BACH2: variants seen among roughly 807,000 people sequenced by gnomAD.
BACH2 encodes the protein BACH transcriptional regulator 2.
BACH2 carries 5 observed loss-of-function variants against 61.8 expected under a neutral mutation model. The observed-to-expected ratio is 0.08, with a 90% CI of 0.04 to 0.17. The LOEUF is 0.17. Ranked by LOEUF, BACH2 falls within the 10% of genes least tolerant of loss-of-function variation. BACH2 has a pLI of 1.00. For missense variants in BACH2, 824 were observed against 1,091.1 expected, an observed-to-expected ratio of 0.76 and a Z score of 3.45; for synonymous variants, 446 against 440.1, an observed-to-expected ratio of 1.01 and a Z score of -0.17.
At chr6:90,102,091 T>C (rs1371344837) in intron 4 of BACH2, among the ~76,000 whole-genome samples, 2 of 152,174 alleles carry the variant, frequency 1.3e-5, no homozygotes, top group Admixed American at 1.3e-4. Context: ...TTTTTAAGTA[T>C]TCTGAATCAC....
chr6:90,227,747 A>C (rs1246123617), intron 3 of BACH2, among the ~76,000 whole-genome samples: 1 of 152,146 alleles, frequency 6.6e-6, no homozygotes, highest in African/African-American at 2.4e-5. Flanking sequence ...ACAGACTAGA[A>C]ATCAACTAGA....
intron 5 of BACH2, among the ~76,000 whole-genome samples, chr6:90,079,863 T>A: frequency 6.6e-6 from 1 of 151,974 alleles, no homozygotes; most frequent in East Asian, 1.9e-4. Flanking sequence ...TAACAAGGGA[T>A]GCAAAGTGGC....
chr6:90,033,197 G>A (rs903863044), intron 5 of BACH2, among the ~76,000 whole-genome samples: 1 of 151,798 alleles, frequency 6.6e-6, no homozygotes, highest in Non-Finnish European at 1.5e-5. Context: ...TCACACACTG[G>A]GGCCTGTTTT....
At chr6:89,971,861 C>T (rs534611823) in intron 6 of BACH2, among the ~76,000 whole-genome samples, 17 of 152,336 alleles carry the variant, frequency 1.1e-4, no homozygotes, top group African/African-American at 3.6e-4. Flanking sequence ...CACCGGGTCC[C>T]TCCCACAACA....
chr6:89,962,989 GA>G (rs1774833057), intron 6 of BACH2, among the ~76,000 whole-genome samples: 1 of 152,072 alleles, frequency 6.6e-6, no homozygotes. Flanking sequence ...GATATATAAA[GA>G]ACCCCTATGT....
intron 4 of BACH2, among the ~76,000 whole-genome samples, chr6:90,150,468 TA>T (rs1210284846): frequency 6.6e-6 from 1 of 152,186 alleles, no homozygotes; most frequent in African/African-American, 2.4e-5. Context: ...ATCTAACACT[TA>T]TCAATTACTA....
chr6:89,932,092 GA>G lies in BACH2; in HGVS notation c.*315del, dbSNP rs1032545800. On this transcript the variant is annotated 3_prime_UTR_variant, in exon 9 of 9. Coordinates refer to ENST00000257749, the MANE Select transcript of BACH2 (RefSeq NM_021813.4). ...TAGGGTTTGTGACATGGGCCACTGA[GA>G]AAAAAAATCCGTGGTTGGGGCCTAG... 10 of 234,762 alleles carry G rather than the reference GA, an allele frequency of 4.3e-5. No individual in the cohort carries two copies. The highest frequency in any genetic ancestry group is 1.1e-4 in the South Asian group (1 of 9,342). 14.5% of individuals were successfully genotyped at this position (234,762 alleles called of 1,614,324 possible). A position where few individuals can be genotyped will look rare whatever the true frequency, so the allele number is the denominator to read the frequency against.
At chr6:90,290,015 T>A (rs1772132680) in intron 1 of BACH2, among the ~76,000 whole-genome samples, 1 of 152,260 alleles carries the variant, frequency 6.6e-6, no homozygotes, top group East Asian at 1.9e-4. Flanking sequence ...TCTGTTTTTA[T>A]CAGGTTCTAA....
intron 3 of BACH2, among the ~76,000 whole-genome samples, chr6:90,250,535 C>T (rs1263752939): frequency 1.3e-5 from 2 of 152,124 alleles, no homozygotes; most frequent in African/African-American, 4.8e-5. Flanking sequence ...ATTGATTGAG[C>T]CCTGTTATGG....
At chr6:90,174,425 C>A (rs1224764097) in intron 4 of BACH2, among the ~76,000 whole-genome samples, 1 of 151,912 alleles carries the variant, frequency 6.6e-6, no homozygotes, top group Non-Finnish European at 1.5e-5. Flanking sequence ...CACAAAGCAA[C>A]CCTATAACAA....
intron 1 of BACH2, among the ~76,000 whole-genome samples, chr6:90,286,886 A>T (rs1772034575): frequency 6.6e-6 from 1 of 152,342 alleles, no homozygotes; most frequent in Admixed American, 6.5e-5. Flanking sequence ...AGGGGGTACT[A>T]GAGAGAGGGA....
intron 6 of BACH2, among the ~76,000 whole-genome samples, chr6:89,976,244 C>CT (rs1775643295): frequency 1.3e-5 from 2 of 152,120 alleles, no homozygotes; most frequent in African/African-American, 4.8e-5. Context: ...TACGCAAGAG[C>CT]GTGAAGCCGG....
At chr6:90,145,820 G>A (rs887768179) in intron 4 of BACH2, among the ~76,000 whole-genome samples, 5 of 152,196 alleles carry the variant, frequency 3.3e-5, no homozygotes, top group Non-Finnish European at 7.3e-5. Context: ...TGCACAGAGA[G>A]GTAAAACACA....
At chr6:90,097,262 G>A (rs1782417613) in intron 4 of BACH2, among the ~76,000 whole-genome samples, 1 of 85,232 alleles carries the variant, frequency 1.2e-5, no homozygotes, top group South Asian at 4.8e-4. Context: ...TTTTCATAGT[G>A]TTCTATAGAT....
chr6:89,991,702 T>C (rs936778513), intron 6 of BACH2, among the ~76,000 whole-genome samples: 12 of 152,036 alleles, frequency 7.9e-5, no homozygotes, highest in African/African-American at 2.9e-4. Flanking sequence ...GCTCCAAGGA[T>C]GTCCTTTATA....
At chr6:90,125,314 A>G (rs186318187) in intron 4 of BACH2, among the ~76,000 whole-genome samples, 95 of 152,310 alleles carry the variant, frequency 6.2e-4, no homozygotes, top group African/African-American at 2.2e-3. Flanking sequence ...CAGCCCCTAC[A>G]TCCTTTTCAA....
At chr6:89,935,363 G>A (rs1772956684) in intron 8 of BACH2, among the ~76,000 whole-genome samples, 1 of 152,196 alleles carries the variant, frequency 6.6e-6, no homozygotes, top group Non-Finnish European at 1.5e-5. Context: ...CTGCTTGGGC[G>A]CTGGGAGAGG....
intron 4 of BACH2, among the ~76,000 whole-genome samples, chr6:90,201,615 C>A (rs555816672): frequency 6.6e-6 from 1 of 152,238 alleles, no homozygotes; most frequent in South Asian, 2.1e-4. Flanking sequence ...TGTCTTTTAT[C>A]TTTCAGAATA....
intron 4 of BACH2, among the ~76,000 whole-genome samples, chr6:90,195,611 A>G (rs948172310): frequency 1.3e-5 from 2 of 152,208 alleles, no homozygotes; most frequent in Non-Finnish European, 2.9e-5. Context: ...TTGGGAAGAT[A>G]GCGCCAGTCC....
Sources: gnomAD v4.1 joint callset for allele counts (sites outside exome capture counted in the v4.1 genomes callset) on GRCh38, gnomAD v4.1.1 for gene constraint, MANE v1.5 for transcripts, NCBI Gene and HGNC (gene_info 2026-07-23, HGNC 2026-07-21) for gene names.